The following TMEM260 variants were observed in gnomAD, a reference collection of about 807,000 sequenced individuals.
TMEM260 encodes protein O-mannosyl-transferase TMEM260.
Under a neutral mutation model 88.9 loss-of-function variants are expected in TMEM260, and 82 were observed. The ratio of observed to expected loss-of-function variants is 0.92; its 90% CI spans 0.77 to 1.11. The LOEUF (loss-of-function observed/expected upper bound fraction) is 1.11, where lower values mean the gene tolerates loss of function less well. TMEM260 is among the 50% of genes least tolerant of loss of function. The probability of loss-of-function intolerance (pLI) is 0.00; values close to 1 mark genes in which losing one functional copy is unlikely to be tolerated. For synonymous variants in TMEM260, 314 were observed against 309.3 expected (o/e 1.02, Z -0.16); for missense variants, 902 against 853.4 (o/e 1.06, Z -0.71).
At chr14:56,653,640 T>C (rs995110110), downstream of TMEM260, among the ~76,000 whole-genome samples, 1 of 146,722 alleles carries the variant, frequency 6.8e-6, no homozygotes, top group African/African-American at 2.5e-5. Flanking sequence ...AGGCTGCTGC[T>C]CGAGTTTTGC....
At chr14:56,632,072 G>T (rs1021303915) in intron 12 of TMEM260, among the ~76,000 whole-genome samples, 2 of 152,104 alleles carry the variant, frequency 1.3e-5, no homozygotes, top group Admixed American at 6.5e-5. Context: ...TTAATTTTAC[G>T]AACTCTGTTT....
In TMEM260 at chr14:56,579,844, G is replaced by A. The variant is rs1274594548; in HGVS notation, c.-71G>A. On this transcript the variant is annotated 5_prime_UTR_variant, in exon 1 of 16. Coordinates refer to ENST00000261556, the MANE Select transcript of TMEM260 (RefSeq NM_017799.4). ...GCCGCACAAGCTGCGCTCGTCTCTCGGCTGGGGAGCTCCGTGTCGCACCGG... is the reference window on the plus strand; with the variant it reads ...GCCGCACAAGCTGCGCTCGTCTCTCAGCTGGGGAGCTCCGTGTCGCACCGG... The A allele has an allele frequency of 1.6e-6, 2 of 1,216,262 alleles. No individual in the cohort carries two copies. The highest frequency in any genetic ancestry group is 1.0e-6 in the Non-Finnish European group (1 of 974,494). 75.3% of individuals were successfully genotyped at this position (1,216,262 alleles called of 1,614,324 possible). A position where few individuals can be genotyped will look rare whatever the true frequency, so the allele number is the denominator to read the frequency against.
chr14:56,627,344 A>T (rs766909300), intron 12 of TMEM260, among the ~76,000 whole-genome samples: 2 of 152,172 alleles, frequency 1.3e-5, no homozygotes, highest in African/African-American at 4.8e-5. Flanking sequence ...AAAAATGCAT[A>T]TTTTTTACAA....
intron 10 of TMEM260, chr14:56,619,326 A>T (rs2139593531): frequency 6.6e-6 from 1 of 152,088 alleles, no homozygotes; most frequent in Non-Finnish European, 1.5e-5. Flanking sequence ...ACATGCCACC[A>T]TTAGCATGCC....
chr14:56,592,082 G>A (rs938841468), intron 3 of TMEM260, among the ~76,000 whole-genome samples: 11 of 152,070 alleles, frequency 7.2e-5, no homozygotes, highest in African/African-American at 2.7e-4. Context: ...TCCTTTTAGA[G>A]TACTGGTAGT....
At chr14:56,609,960 G>A (rs576330054) in intron 6 of TMEM260, among the ~76,000 whole-genome samples, 136 of 152,090 alleles carry the variant, frequency 8.9e-4, no homozygotes, top group Non-Finnish European at 1.5e-3. Context: ...TTGTACTTTT[G>A]TGTCCTACTT....
At chr14:56,591,544 C>T (rs955699489) in intron 3 of TMEM260, among the ~76,000 whole-genome samples, 1 of 152,154 alleles carries the variant, frequency 6.6e-6, no homozygotes. Context: ...TATGCCTTGG[C>T]CGGTGCCTTT....
intron 15 of TMEM260, among the ~76,000 whole-genome samples, chr14:56,639,647 G>T (rs995141090): frequency 6.6e-6 from 1 of 152,166 alleles, no homozygotes; most frequent in African/African-American, 2.4e-5. Flanking sequence ...CCGGACAGTG[G>T]GTGCAGTGCA....
the TMEM260 span, among the ~76,000 whole-genome samples, chr14:56,661,546 GGGA>G: frequency 4.6e-4 from 67 of 144,222 alleles, no homozygotes; most frequent in African/African-American, 1.8e-3. Flanking sequence ...GAGGGAGGGA[GGGA>G]GGGAGGGAGG....
At chr14:56,624,646 A>G (rs73277636) in intron 11 of TMEM260, among the ~76,000 whole-genome samples, 2,159 of 152,296 alleles carry the variant, frequency 0.014, 52 homozygotes, top group African/African-American at 0.049. Flanking sequence ...GAAAAAATAC[A>G]GTGCCTTTTT....
chr14:56,580,613 G>A (rs938188878), intron 1 of TMEM260, among the ~76,000 whole-genome samples: 1 of 152,166 alleles, frequency 6.6e-6, no homozygotes, highest in Non-Finnish European at 1.5e-5. Flanking sequence ...CCTCTGAAGA[G>A]GTGGTGTTTT....
chr14:56,608,940 C>A (rs943003335), intron 5 of TMEM260, among the ~76,000 whole-genome samples, 166 bp from the exon 6 acceptor site: 1 of 152,106 alleles, frequency 6.6e-6, no homozygotes, highest in Non-Finnish European at 1.5e-5. Context: ...TCTAGTAATC[C>A]GTAGTAATCA....
At chr14:56,616,545 T>C (rs1343919859) in intron 8 of TMEM260, among the ~76,000 whole-genome samples, 1 of 152,038 alleles carries the variant, frequency 6.6e-6, no homozygotes, top group Non-Finnish European at 1.5e-5. Context: ...CTTAAAATCA[T>C]TTAAATGTCT....
chr14:56,591,816 T>C (rs920042000), intron 3 of TMEM260, among the ~76,000 whole-genome samples: 2 of 152,228 alleles, frequency 1.3e-5, no homozygotes, highest in African/African-American at 4.8e-5. Context: ...TTGAATGTTT[T>C]CTTCCACATA....
chr14:56,650,884 A>G (rs1179060375), downstream of TMEM260, among the ~76,000 whole-genome samples: 1 of 152,222 alleles, frequency 6.6e-6, no homozygotes, highest in Non-Finnish European at 1.5e-5. Flanking sequence ...GTTGAAAAAA[A>G]ATAGAATCCT....
Position 56,580,062 on chromosome 14 carries a change from G to A in TMEM260, c.148G>A (p.Gly50Arg), listed in dbSNP as rs764475218. ...CTTCACCCTGCCCCCTTCGGTACCG[G>A]GGGGAGACTCCGGTAAAGTACTCGC... ...FTFTLPPSVP[G>R]GDSGELITAA... Residue 50 changes from glycine (G) to arginine (R), a missense_variant, in exon 1 of 16, where the codon GGG (glycine) becomes AGG (arginine). Coordinates refer to ENST00000261556, the MANE Select transcript of TMEM260 (RefSeq NM_017799.4). The A allele has an allele frequency of 2.6e-4, 328 of 1,252,080 alleles. No individual in the cohort carries two copies. The highest frequency in any genetic ancestry group is 3.1e-4 in the Non-Finnish European group (308 of 990,484). The allele number at this position is 1,252,080 out of a possible 1,614,324, so 77.6% of individuals were successfully genotyped here.
chr14:56,643,751 T>C (rs1312002817), intron 15 of TMEM260, among the ~76,000 whole-genome samples: 22 of 152,274 alleles, frequency 1.4e-4, no homozygotes, highest in Admixed American at 4.6e-4. Flanking sequence ...GATTGTATAT[T>C]CAGAAAACCC....
In TMEM260 at chr14:56,579,840, T is replaced by C; in HGVS notation, c.-75T>C. The C allele has an allele frequency of 8.3e-7, 1 of 1,209,820 alleles. No individual in the cohort carries two copies. The highest frequency in any genetic ancestry group is 1.0e-6 in the Non-Finnish European group (1 of 968,606). 74.9% of individuals were successfully genotyped at this position (1,209,820 alleles called of 1,614,324 possible). A position where few individuals can be genotyped will look rare whatever the true frequency, so the allele number is the denominator to read the frequency against. The stretch of plus-strand genomic sequence containing the variant: ...GGCCGCCGCACAAGCTGCGCTCGTC[T>C]CTCGGCTGGGGAGCTCCGTGTCGCA... On this transcript the variant is annotated 5_prime_UTR_variant, in exon 1 of 16. Coordinates refer to ENST00000261556, the MANE Select transcript of TMEM260 (RefSeq NM_017799.4).
intron 3 of TMEM260, among the ~76,000 whole-genome samples, chr14:56,602,233 A>G (rs186592955): frequency 2.7e-4 from 41 of 152,278 alleles, no homozygotes; most frequent in African/African-American, 9.9e-4. Flanking sequence ...GGAATTGAAG[A>G]AACATTTGAG....
Sources: allele counts gnomAD v4.1 joint callset (sites outside exome capture counted in the v4.1 genomes callset), GRCh38; gene constraint gnomAD v4.1.1; transcripts MANE v1.5; gene names NCBI Gene and HGNC (gene_info 2026-07-23, HGNC 2026-07-21).